WWOX: variants seen among roughly 807,000 people sequenced by gnomAD.
The protein encoded by WWOX is WW domain-containing oxidoreductase.
In WWOX, 69 loss-of-function variants were observed where a neutral mutation model predicts 46.2. That is an observed-to-expected ratio of 1.49 (90% CI 1.23 to 1.82). The LOEUF is 1.82. WWOX is among the 40% of genes most tolerant of loss of function. The pLI is 0.00. For missense variants in WWOX, 919 were observed against 542.6 expected, an observed-to-expected ratio of 1.69 and a Z score of -6.89; for synonymous variants, 359 against 202.6, an observed-to-expected ratio of 1.77 and a Z score of -6.56.
At chr16:78,785,478 C>A (rs907285719) in intron 8 of WWOX, among the ~76,000 whole-genome samples, 14 of 152,202 alleles carry the variant, frequency 9.2e-5, no homozygotes, top group Non-Finnish European at 1.6e-4. Flanking sequence ...CAAACAAACA[C>A]ATTGTGCACC....
intron 8 of WWOX, among the ~76,000 whole-genome samples, chr16:78,932,402 C>A (rs1169938687): frequency 6.6e-6 from 1 of 152,190 alleles, no homozygotes; most frequent in Non-Finnish European, 1.5e-5. Flanking sequence ...ACAGCCTATG[C>A]CTGGATAAGA....
chr16:78,351,413 CTA>C (rs1447649048), intron 5 of WWOX, among the ~76,000 whole-genome samples: 5 of 152,326 alleles, frequency 3.3e-5, no homozygotes, highest in Non-Finnish European at 5.9e-5. Context: ...TTAGCCAGAA[CTA>C]TGGCCATGAA....
At chr16:78,323,639 C>G (rs968834292) in intron 5 of WWOX, among the ~76,000 whole-genome samples, 1 of 152,194 alleles carries the variant, frequency 6.6e-6, no homozygotes, top group African/African-American at 2.4e-5. Context: ...GTGGACTTTA[C>G]TTTTCACGCA....
At chr16:78,633,796 G>A (rs1433045916) in intron 8 of WWOX, among the ~76,000 whole-genome samples, 1 of 152,172 alleles carries the variant, frequency 6.6e-6, no homozygotes, top group African/African-American at 2.4e-5. Flanking sequence ...GGTGCAACCC[G>A]GGCTGTGTTC....
At chr16:78,269,805 C>T (rs553208533) in intron 5 of WWOX, among the ~76,000 whole-genome samples, 4 of 152,100 alleles carry the variant, frequency 2.6e-5, no homozygotes, top group Non-Finnish European at 4.4e-5. Flanking sequence ...GAAAATTGCT[C>T]AGGCTGTTTG....
chr16:78,123,795 CT>C (rs2033239157), intron 4 of WWOX: 2 of 152,144 alleles, frequency 1.3e-5, no homozygotes, highest in Admixed American at 1.3e-4. Context: ...CCCTTGCCCC[CT>C]GCTACAAGCC....
intron 4 of WWOX, among the ~76,000 whole-genome samples, chr16:78,123,069 T>TA (rs201464124): frequency 0.015 from 2,226 of 152,338 alleles, 60 homozygotes; most frequent in African/African-American, 0.051. Flanking sequence ...TTTGGTTAAA[T>TA]AATGTCTTTT....
At chr16:78,435,969 T>C (rs916753191) in intron 8 of WWOX, among the ~76,000 whole-genome samples, 1 of 152,206 alleles carries the variant, frequency 6.6e-6, no homozygotes, top group Non-Finnish European at 1.5e-5. Flanking sequence ...GTTCTAAAAA[T>C]GTGGCTAATA....
chr16:79,002,213 C>CTTT lies in WWOX; in HGVS notation c.1057-209370_1057-209368dup, dbSNP rs67180105. On this transcript the variant is annotated intron_variant, in intron 8 of 8. Transcript: ENST00000566780. ...ATTTAGATTTCCTTGGGTGTCCTGC[C>CTTT]TTTTTTTTTTTTTTTTTTTTTTTTT... Among the ~76,000 whole-genome samples, 200 of 41,344 alleles carry CTTT rather than the reference C, an allele frequency of 4.8e-3. 51 individuals carry two copies. The highest frequency in any genetic ancestry group is 0.019 in the African/African-American group (192 of 10,120). The allele number at this position is 41,344 out of a possible 152,430, so 27.1% of individuals were successfully genotyped here. A position where few individuals can be genotyped will look rare whatever the true frequency, so the allele number is the denominator to read the frequency against.
At chr16:78,844,068 C>T (rs778293826) in intron 8 of WWOX, among the ~76,000 whole-genome samples, 3 of 152,110 alleles carry the variant, frequency 2.0e-5, no homozygotes, top group Non-Finnish European at 2.9e-5. Flanking sequence ...TAAGCTGGTG[C>T]GTTATTTAAC....
chr16:78,352,803 AT>A (rs552624890), intron 5 of WWOX, among the ~76,000 whole-genome samples: 43 of 152,192 alleles, frequency 2.8e-4, no homozygotes, highest in African/African-American at 9.6e-4. Flanking sequence ...TCTTAAATTT[AT>A]TTTATGTCCT....
chr16:78,432,638 C>T lies in WWOX; in HGVS notation c.942C>T (p.Arg314=), dbSNP rs568012503. Residue 314 remains arginine, a synonymous_variant, in exon 8 of 9, where the codon CGC becomes CGT. Transcript: ENST00000566780. The part of the protein sequence containing the change: ...SNELHRRLSP[R]GVTSNAVHPG... ...AGCTGCACCGTCGCCTCTCCCCACG[C>T]GGGGTCACGTCGAACGCAGTGCATC... 111 of 1,614,214 alleles carry T rather than the reference C, an allele frequency of 6.9e-5. No homozygotes were observed. In the South Asian group the frequency reaches 9.8e-4, roughly 14 times the overall value.
At chr16:78,423,858 A>T (rs945706184) in intron 6 of WWOX, among the ~76,000 whole-genome samples, 13 of 151,528 alleles carry the variant, frequency 8.6e-5, no homozygotes, top group Non-Finnish European at 1.3e-4. Flanking sequence ...AAAAAAAAAA[A>T]ATTAAATATA....
intron 8 of WWOX, among the ~76,000 whole-genome samples, chr16:78,711,501 C>G (rs76964277): frequency 0.089 from 13,489 of 152,140 alleles, 2,053 homozygotes; most frequent in African/African-American, 0.31. Context: ...AATTTTAGAG[C>G]ATACAGCTGT....
chr16:79,123,391 C>T (rs1364439024), intron 8 of WWOX, among the ~76,000 whole-genome samples: 2 of 152,128 alleles, frequency 1.3e-5, no homozygotes, highest in South Asian at 2.1e-4. Flanking sequence ...ATTCGTAACT[C>T]CCCAGGTTTT....
Position 79,042,728 on chromosome 16 carries a change from G to GTTTTTTTT in WWOX, c.1057-168872_1057-168865dup, listed in dbSNP as rs11379084. On this transcript the variant is annotated intron_variant, in intron 8 of 8. Coordinates refer to ENST00000566780, the MANE Select transcript of WWOX (RefSeq NM_016373.4). ...GTGGGAAGACAGATGAATACTCAGG[G>GTTTTTTTT]TTTTTTTTTTTTTTTCTTCTAACTT... is the stretch of plus-strand genomic sequence containing the variant. Among the ~76,000 whole-genome samples, 7 of 143,122 alleles carry GTTTTTTTT rather than the reference G, an allele frequency of 4.9e-5. 1 individual carries two copies. The highest frequency in any genetic ancestry group is 7.8e-5 in the African/African-American group (3 of 38,592). 93.9% of individuals were successfully genotyped at this position (143,122 alleles called of 152,430 possible).
intron 8 of WWOX, among the ~76,000 whole-genome samples, chr16:79,084,028 T>A (rs547865775): frequency 6.6e-6 from 1 of 152,250 alleles, no homozygotes; most frequent in African/African-American, 2.4e-5. Context: ...TCGCATCAGT[T>A]TTAAGTCTCC....
intron 8 of WWOX, among the ~76,000 whole-genome samples, chr16:78,932,984 T>A (rs1194212991): frequency 6.6e-6 from 1 of 152,184 alleles, no homozygotes; most frequent in Non-Finnish European, 1.5e-5. Flanking sequence ...ATAGACCACG[T>A]CCTGTCCATA....
At chr16:78,318,122 G>T (rs936908192) in intron 5 of WWOX, among the ~76,000 whole-genome samples, 2 of 152,102 alleles carry the variant, frequency 1.3e-5, no homozygotes, top group Non-Finnish European at 2.9e-5. Flanking sequence ...CTTTCCCTTT[G>T]ATTTAAAGGC....
Sources: gnomAD v4.1 joint callset for allele counts (sites outside exome capture counted in the v4.1 genomes callset) on GRCh38, gnomAD v4.1.1 for gene constraint, MANE v1.5 for transcripts, NCBI Gene and HGNC (gene_info 2026-07-23, HGNC 2026-07-21) for gene names.